The following HS6ST2 variants were observed in gnomAD, a reference collection of about 807,000 sequenced individuals.
HS6ST2 encodes heparan sulfate 6-O-sulfotransferase 2.
Under a neutral mutation model 33.0 loss-of-function variants are expected in HS6ST2, and 17 were observed. That is an observed-to-expected ratio of 0.52 (90% CI 0.35 to 0.77). The LOEUF (loss-of-function observed/expected upper bound fraction) is 0.77. Among genes scored for constraint, HS6ST2 ranks in the 30% least tolerant of loss-of-function variants. The pLI is 0.01. For missense variants in HS6ST2, 519 were observed against 551.7 expected (o/e 0.94, Z 0.59); for synonymous variants, 248 against 237.1 (o/e 1.05, Z -0.42).
At chrX:132,900,387 A>G (rs1031011559) in intron 2 of HS6ST2, among the ~76,000 whole-genome samples, 7 of 111,817 alleles carry the variant, frequency 6.3e-5, no homozygotes, top group Admixed American at 1.9e-4. Context: ...TTGGTTTCTC[A>G]TTTGTAAAAT....
intron 2 of HS6ST2, among the ~76,000 whole-genome samples, chrX:132,916,892 C>T (rs1219116891): frequency 7.1e-5 from 8 of 111,905 alleles, no homozygotes; most frequent in Admixed American, 1.9e-4. Context: ...ACCTCGTGAT[C>T]GTGTGAGTCA....
intron 2 of HS6ST2, among the ~76,000 whole-genome samples, chrX:132,943,946 C>T (rs755953629): frequency 4.2e-4 from 47 of 111,409 alleles, no homozygotes; most frequent in African/African-American, 1.5e-3. Context: ...TGAAAACTGG[C>T]ACAAGACAGG....
intron 2 of HS6ST2, among the ~76,000 whole-genome samples, chrX:132,826,383 A>G (rs1025044913): frequency 1.8e-5 from 2 of 111,589 alleles, no homozygotes; most frequent in African/African-American, 6.5e-5. Flanking sequence ...TAGCCAGCTT[A>G]AAAGGAGGTA....
At chrX:132,695,054 G>A (rs892569729) in intron 3 of HS6ST2, among the ~76,000 whole-genome samples, 4 of 110,674 alleles carry the variant, frequency 3.6e-5, no homozygotes, top group African/African-American at 1.3e-4. Flanking sequence ...GGGACGAGGT[G>A]GCGCTGGAGA....
intron 4 of HS6ST2, among the ~76,000 whole-genome samples, chrX:132,656,668 T>C (rs1170572028): frequency 1.8e-5 from 2 of 112,023 alleles, no homozygotes; most frequent in Non-Finnish European, 3.8e-5. Flanking sequence ...AGCTCCCATG[T>C]ATAAGTGTGA....
chrX:132,685,261 C>T (rs912089016), intron 3 of HS6ST2, among the ~76,000 whole-genome samples: 1 of 112,016 alleles, frequency 8.9e-6, no homozygotes, highest in African/African-American at 3.2e-5. Context: ...CTCAATAATT[C>T]ACTCAGGGAA....
intron 2 of HS6ST2, among the ~76,000 whole-genome samples, chrX:132,824,267 AG>A (rs2065494347): frequency 8.9e-6 from 1 of 112,058 alleles, no homozygotes. Flanking sequence ...TCACTATGGC[AG>A]GGACTGTCTT....
intron 2 of HS6ST2, among the ~76,000 whole-genome samples, chrX:132,844,010 G>A (rs1378333834): frequency 9.0e-6 from 1 of 111,683 alleles, no homozygotes; most frequent in Admixed American, 9.5e-5. Context: ...CTCAATGTGG[G>A]GAATAATTTC....
intron 2 of HS6ST2, among the ~76,000 whole-genome samples, chrX:132,813,509 A>G (rs1349996263): frequency 8.9e-6 from 1 of 111,981 alleles, no homozygotes; most frequent in Non-Finnish European, 1.9e-5. Flanking sequence ...TGGAGGACTC[A>G]GAGAAAGTTA....
At chrX:132,827,105 A>G (rs2065529366) in intron 2 of HS6ST2, among the ~76,000 whole-genome samples, 1 of 111,790 alleles carries the variant, frequency 8.9e-6, no homozygotes, top group Non-Finnish European at 1.9e-5. Context: ...GCAACTGGGC[A>G]TTTCCTAAGG....
intron 4 of HS6ST2, among the ~76,000 whole-genome samples, chrX:132,662,454 T>C (rs939221849): frequency 4.5e-5 from 5 of 112,262 alleles, no homozygotes; most frequent in African/African-American, 1.6e-4. Context: ...TAAGTGAGAA[T>C]TCTCAACCAT....
rs778129628 is a variant in HS6ST2 at position 132,628,629 on chromosome X, T to A, written c.1532A>T (p.Glu511Val). The A allele has an allele frequency of 1.7e-6, 2 of 1,210,942 alleles. No individual in the cohort carries two copies. The highest frequency in any genetic ancestry group is 2.2e-6 in the Non-Finnish European group (2 of 895,070). Residue 511 changes from glutamate (E) to valine (V), a missense_variant, in exon 5 of 5, where the codon GAG (glutamate) becomes GTG (valine). By Grantham distance (121) the Glu-to-Val change is moderately radical. Transcript: ENST00000370833. ...TTRASSVEIN[E>V]EIQKRIEGLN... Reference sequence around the variant, plus strand: ...TCCCTCAATACGCTTTTGAATTTCCTCATTGATCTCTACACTAGAGGCCCT... The same window carrying A: ...TCCCTCAATACGCTTTTGAATTTCCACATTGATCTCTACACTAGAGGCCCT...
rs756469745 is a variant in HS6ST2 at position 132,784,572 on chromosome X, C to T, written c.948-76078G>A. On this transcript the variant is annotated intron_variant, in intron 2 of 4. Transcript: ENST00000370833. ...TGATCTGCCCGCCTTGGCCTCCAAACGTGCTGGGATCACAGGTGTGAGCCT... is the reference window on the plus strand; with the variant it reads ...TGATCTGCCCGCCTTGGCCTCCAAATGTGCTGGGATCACAGGTGTGAGCCT... 9.8e-4 allele frequency among the ~76,000 whole-genome samples: 110 copies of T among 111,865 alleles called. 1 individual carries two copies. Among genetic ancestry groups the T allele is most frequent in the African/African-American group, 3.5e-3 (108 of 30,818 alleles).
intron 2 of HS6ST2, among the ~76,000 whole-genome samples, chrX:132,830,053 T>C (rs761377879): frequency 1.8e-5 from 2 of 111,789 alleles, no homozygotes; most frequent in African/African-American, 3.3e-5. Flanking sequence ...GTGTTTTCTA[T>C]GAAGTATGGT....
chrX:132,879,784 C>T (rs1016870561), intron 2 of HS6ST2, among the ~76,000 whole-genome samples: 1 of 111,966 alleles, frequency 8.9e-6, no homozygotes, highest in Non-Finnish European at 1.9e-5. Context: ...AAGATTCATT[C>T]CCTATGCTGT....
intron 4 of HS6ST2, among the ~76,000 whole-genome samples, chrX:132,660,242 A>C (rs1489907032): frequency 8.9e-6 from 1 of 111,783 alleles, no homozygotes; most frequent in Non-Finnish European, 1.9e-5. Context: ...GCACTCAGTA[A>C]AATTTTTGAA....
intron 2 of HS6ST2, among the ~76,000 whole-genome samples, chrX:132,727,428 T>A (rs1189557171): frequency 9.0e-6 from 1 of 110,766 alleles, no homozygotes; most frequent in Non-Finnish European, 1.9e-5. Flanking sequence ...ATATATGATA[T>A]CTCCATACAT....
intron 4 of HS6ST2, among the ~76,000 whole-genome samples, chrX:132,643,821 C>A (rs2063620290): frequency 8.9e-6 from 1 of 111,818 alleles, no homozygotes; most frequent in South Asian, 3.8e-4. Flanking sequence ...AAGACAGATG[C>A]CTGACCCTGA....
intron 3 of HS6ST2, among the ~76,000 whole-genome samples, chrX:132,696,548 G>A (rs1178292332): frequency 8.9e-6 from 1 of 111,796 alleles, no homozygotes; most frequent in Non-Finnish European, 1.9e-5. Flanking sequence ...TTCTCTCTCT[G>A]TGTCTCTTTA....
Sources: gnomAD v4.1 joint callset for allele counts (sites outside exome capture counted in the v4.1 genomes callset) on GRCh38, gnomAD v4.1.1 for gene constraint, MANE v1.5 for transcripts, NCBI Gene and HGNC (gene_info 2026-07-23, HGNC 2026-07-21) for gene names.